NFX1: variants seen among roughly 807,000 people sequenced by gnomAD.
NFX1 encodes the protein transcriptional repressor NF-X1.
A neutral mutation model predicts 137.2 loss-of-function variants in NFX1; 69 were observed. The observed-to-expected ratio is 0.50, with a 90% confidence interval of 0.41 to 0.61. NFX1 has a LOEUF of 0.61. Among genes scored for constraint, NFX1 ranks in the 20% least tolerant of loss-of-function variants. The pLI is 0.00. For missense variants in NFX1, 1,167 were observed against 1,391.0 expected, an observed-to-expected ratio of 0.84 and a Z score of 2.56; for synonymous variants, 495 against 474.1, an observed-to-expected ratio of 1.04 and a Z score of -0.57.
At chr9:33,352,518 C>A in intron 16 of NFX1, 128 bp from the exon 17 acceptor site, 1 of 780,624 alleles carries the variant, frequency 1.3e-6, no homozygotes, top group Non-Finnish European at 2.3e-6. Context: ...CTTCTTCCAG[C>A]TTGGAGAGTG....
intron 14 of NFX1, among the ~76,000 whole-genome samples, 200 bp downstream of exon 14, chr9:33,344,388 G>A (rs1215722989): frequency 6.6e-6 from 1 of 152,130 alleles, no homozygotes; most frequent in African/African-American, 2.4e-5. Flanking sequence ...GTTTACTCTA[G>A]GGATGTCAAA....
intron 14 of NFX1, among the ~76,000 whole-genome samples, chr9:33,345,206 G>A (rs1823375338): frequency 6.6e-6 from 1 of 150,918 alleles, no homozygotes; most frequent in East Asian, 2.0e-4. Context: ...GCCGGGTGCA[G>A]TGACTCACAC....
At chr9:33,311,979 T>A (rs1461050205) in intron 6 of NFX1, among the ~76,000 whole-genome samples, 2 of 152,132 alleles carry the variant, frequency 1.3e-5, no homozygotes, top group Non-Finnish European at 2.9e-5. Context: ...TTTTAATGAA[T>A]ATTGTTGAAT....
intron 14 of NFX1, among the ~76,000 whole-genome samples, 180 bp downstream of exon 14, chr9:33,344,368 C>G (rs1823335493): frequency 6.6e-6 from 1 of 152,126 alleles, no homozygotes. Context: ...AATCACAGTG[C>G]CCTCCATTGG....
rs1250250621 is a variant in NFX1, at chr9:33,347,825, A to G, written c.2424+708A>G. Reference sequence around the variant, plus strand: ...TGGATAAAGAAATTGTGGTGTATCTATACGTACCATGGAATACTACTCAGC... The same window carrying G: ...TGGATAAAGAAATTGTGGTGTATCTGTACGTACCATGGAATACTACTCAGC... On this transcript the variant is annotated intron_variant, in intron 15 of 23. Transcript: ENST00000379540. 3.0e-5 allele frequency: 6 copies of G among 197,184 alleles called. No homozygotes were observed. In the East Asian group the frequency reaches 4.6e-4, roughly 15 times the overall value. The allele number at this position is 197,184 out of a possible 1,614,324, so 12.2% of individuals were successfully genotyped here. A position where few individuals can be genotyped will look rare whatever the true frequency, so the allele number is the denominator to read the frequency against.
At chr9:33,325,775 C>T (rs550161979) in intron 9 of NFX1, among the ~76,000 whole-genome samples, 2 of 152,212 alleles carry the variant, frequency 1.3e-5, no homozygotes, top group South Asian at 2.1e-4. Context: ...GGCAGACTTG[C>T]CTTACAGTAA....
chr9:33,303,125 A>T, intron 3 of NFX1, 66 bp from the exon 4 acceptor site: 1 of 1,288,716 alleles, frequency 7.8e-7, no homozygotes, highest in Non-Finnish European at 1.1e-6. Context: ...ATAGATTTAA[A>T]TTTTTTTAAT....
Position 33,367,503 on chromosome 9 carries a change from G to T in NFX1, c.3186-12G>T. ...CTCACTTTTCAATGCTTGGTGTTTT[G>T]ACTTTTATCAGGGGGAAGTCCGTTT... On this transcript the variant is annotated splice_polypyrimidine_tract_variant and intron_variant, in intron 22 of 23. Transcript: ENST00000379540. 2.5e-6 allele frequency: 4 copies of T among 1,612,920 alleles called. No individual in the cohort carries two copies. The highest frequency in any genetic ancestry group is 2.2e-5 in the South Asian group (2 of 90,998).
At chr9:33,353,683 CTTTTTTTTTTT>C (rs111306917) in intron 17 of NFX1, among the ~76,000 whole-genome samples, 15 of 110,086 alleles carry the variant, frequency 1.4e-4, no homozygotes, top group African/African-American at 3.7e-4. Context: ...GATAGATTTG[CTTTTTTTTTTT>C]TTTTTTTTTT....
In NFX1 at chr9:33,311,174, C is replaced by A. The variant is rs750534278; in HGVS notation, c.1445C>A (p.Thr482Asn). Residue 482 changes from threonine to asparagine, a missense_variant, in exon 6 of 24, where the codon ACC becomes AAC. By Grantham distance (65) the Thr-to-Asn change is moderately conservative. Coordinates refer to ENST00000379540, the MANE Select transcript of NFX1 (RefSeq NM_002504.6). ...ACAAAAACATGTGAATGTGGACGAA[C>A]CAGGTAAAGTTAAAATTACACCCTA... Reference protein sequence around the residue: ...FMTKTCECGRTRHTVRCGQAV... With the variant: ...FMTKTCECGRNRHTVRCGQAV... The A allele has an allele frequency of 6.2e-7, 1 of 1,613,504 alleles. No individual in the cohort carries two copies. The highest frequency in any genetic ancestry group is 1.3e-5 in the African/African-American group (1 of 74,880).
chr9:33,335,236 T>TC, intron 11 of NFX1, among the ~76,000 whole-genome samples: 1 of 150,110 alleles, frequency 6.7e-6, no homozygotes, highest in Non-Finnish European at 1.5e-5. Context: ...TCTTTTTTTT[T>TC]TTTTTTTTTT....
intron 15 of NFX1, among the ~76,000 whole-genome samples, chr9:33,349,923 C>G (rs1187136097): frequency 6.6e-6 from 1 of 152,092 alleles, no homozygotes; most frequent in Non-Finnish European, 1.5e-5. Flanking sequence ...AGGAGGATCA[C>G]TTGAACTCAG....
At chr9:33,367,750 T>C in intron 23 of NFX1, 131 bp downstream of exon 23, 1 of 752,124 alleles carries the variant, frequency 1.3e-6, no homozygotes, top group Non-Finnish European at 2.2e-6. Context: ...TGTTCAAATA[T>C]GTAATGTTTA....
Position 33,295,284 on chromosome 9 carries a change from G to A in NFX1, c.890G>A (p.Ser297Asn). Reference sequence around the variant, plus strand: ...AGACCAGCAAAATCTACCTGTGACAGTGAGAACTTGGCAGTCATCAACAAG... The same window carrying A: ...AGACCAGCAAAATCTACCTGTGACAATGAGAACTTGGCAGTCATCAACAAG... ...NERPAKSTCD[S>N]ENLAVINKSS... Residue 297 changes from serine to asparagine, a missense_variant, in exon 2 of 24, where the codon AGT becomes AAT. By Grantham distance (46) the Ser-to-Asn change is conservative. Around this residue, in one of 3 missense-constraint regions of NFX1, gnomAD observed 367 missense variants for 386.7 expected, o/e 0.95. Coordinates refer to ENST00000379540, the MANE Select transcript of NFX1 (RefSeq NM_002504.6). 6.2e-7 allele frequency: 1 copy of A among 1,614,152 alleles called. No homozygotes were observed. The highest frequency in any genetic ancestry group is 1.1e-5 in the South Asian group (1 of 91,074).
rs772556996 is a variant in NFX1, at chr9:33,318,790, G to A, written c.1648G>A (p.Asp550Asn). 9.9e-6 allele frequency: 16 copies of A among 1,614,210 alleles called. No homozygotes were observed. In the Middle Eastern group the frequency reaches 8.2e-4, roughly 83 times the overall value. ...ATGTGGAACCGATGTAGGAAAGTCTGATGGATTTGGGGATTTCAGCTGTTT... is the reference window on the plus strand; with the variant it reads ...ATGTGGAACCGATGTAGGAAAGTCTAATGGATTTGGGGATTTCAGCTGTTT... ...VLCGTDVGKS[D>N]GFGDFSCLKI... Residue 550 changes from aspartate (D) to asparagine (N), a missense_variant, in exon 8 of 24, where the codon GAT (aspartate) becomes AAT (asparagine). Asp to Asn is a conservative substitution (Grantham distance 23). Coordinates refer to ENST00000379540, the MANE Select transcript of NFX1 (RefSeq NM_002504.6).
At position 33,352,629 on chromosome 9, in the gene NFX1, T is replaced by C. The variant is rs755949287; in HGVS notation, c.2656-17T>C. The C allele has an allele frequency of 1.2e-6, 2 of 1,613,038 alleles. No individual in the cohort carries two copies. The highest frequency in any genetic ancestry group is 2.2e-5 in the South Asian group (2 of 91,066). The stretch of plus-strand genomic sequence containing the variant: ...TTCCAGTGTGCTAAAAGTCGTTCCA[T>C]GTTCATCTGACTTCAGGTAGAGCTA... On this transcript the variant is annotated splice_polypyrimidine_tract_variant and intron_variant, in intron 16 of 23. Coordinates refer to ENST00000379540, the MANE Select transcript of NFX1 (RefSeq NM_002504.6).
chr9:33,336,239 G>A (rs556177336), intron 11 of NFX1, among the ~76,000 whole-genome samples: 1 of 151,980 alleles, frequency 6.6e-6, no homozygotes, highest in South Asian at 2.1e-4. Context: ...TTTTTGAGAT[G>A]GAGTCCCACT....
intron 13 of NFX1, among the ~76,000 whole-genome samples, chr9:33,343,564 A>T (rs1823303370): frequency 6.6e-6 from 1 of 152,218 alleles, no homozygotes; most frequent in South Asian, 2.1e-4. Flanking sequence ...ATTCTTTGAA[A>T]TTACACCAAA....
Position 33,290,578 on chromosome 9 carries a change from G to C in NFX1, c.6G>C (p.Ala2=). 1 of 1,613,970 alleles carries C rather than the reference G, an allele frequency of 6.2e-7. No individual in the cohort carries two copies. The highest frequency in any genetic ancestry group is 8.5e-7 in the Non-Finnish European group (1 of 1,179,990). The change falls in exon 1 of 24, where the codon GCG becomes GCC. Residue 2 remains alanine, a synonymous_variant. Transcript: ENST00000379540. ...TCTAGGTTCTGCGGCACGGGATGGC[G>C]GAGGCGCCTCCTGTCTCAGGTATTG... is the stretch of plus-strand genomic sequence containing the variant. The part of the protein sequence containing the change: M[A]EAPPVSGTFK...
Sources: gnomAD v4.1 joint callset for allele counts (sites outside exome capture counted in the v4.1 genomes callset) on GRCh38, gnomAD v4.1.1 for gene constraint, gnomAD v4.1.1 regional missense constraint, MANE v1.5 for transcripts, NCBI Gene and HGNC (gene_info 2026-07-23, HGNC 2026-07-21) for gene names.